Variants in NOL4 observed in about 807,000 individuals in gnomAD.
NOL4 encodes the protein nucleolar protein 4.
In NOL4, 17 loss-of-function variants were observed where a neutral mutation model predicts 75.9. That is an observed-to-expected ratio of 0.22 (90% CI 0.15 to 0.34). The LOEUF (loss-of-function observed/expected upper bound fraction) is 0.34. Among genes scored for constraint, NOL4 ranks in the 10% least tolerant of loss-of-function variants. The pLI is 1.00. For synonymous variants in NOL4, 292 were observed against 289.9 expected, an observed-to-expected ratio of 1.01 and a Z score of -0.07; for missense variants, 614 against 793.5, an observed-to-expected ratio of 0.77 and a Z score of 2.72.
intron 2 of NOL4, among the ~76,000 whole-genome samples, chr18:34,116,324 C>G (rs753237636): frequency 6.6e-6 from 1 of 152,060 alleles, no homozygotes; most frequent in African/African-American, 2.4e-5. Context: ...TTGGGAATAC[C>G]TTACTGAAAA....
intron 6 of NOL4, among the ~76,000 whole-genome samples, chr18:34,015,687 C>G (rs2074648276): frequency 6.6e-6 from 1 of 152,222 alleles, no homozygotes; most frequent in African/African-American, 2.4e-5. Flanking sequence ...AAATGTCTCT[C>G]TCTCTCCATC....
chr18:34,114,501 C>A (rs2145778426), intron 2 of NOL4, among the ~76,000 whole-genome samples: 1 of 152,162 alleles, frequency 6.6e-6, no homozygotes, highest in Middle Eastern at 3.4e-3. Context: ...CCACATTGAA[C>A]CTTAAAACTA....
At chr18:34,191,833 C>T (rs2034940327) in intron 1 of NOL4, among the ~76,000 whole-genome samples, 1 of 152,096 alleles carries the variant, frequency 6.6e-6, no homozygotes, top group African/African-American at 2.4e-5. Context: ...TAGAGGAATA[C>T]AGGTTGGTGA....
intron 5 of NOL4, among the ~76,000 whole-genome samples, chr18:34,089,314 A>C (rs1335664818): frequency 1.3e-5 from 2 of 152,158 alleles, no homozygotes; most frequent in Admixed American, 6.5e-5. Flanking sequence ...TATTGTTTAG[A>C]TTTTCAAAAT....
chr18:33,898,670 T>C (rs1192964866), intron 9 of NOL4, among the ~76,000 whole-genome samples: 1 of 152,182 alleles, frequency 6.6e-6, no homozygotes, highest in Non-Finnish European at 1.5e-5. Context: ...AAGCTCATCA[T>C]CTCTCATTTG....
At chr18:34,222,027 T>A in intron 1 of NOL4, 1 of 1,535,496 alleles carries the variant, frequency 6.5e-7, no homozygotes. Flanking sequence ...CACCGTGGCA[T>A]GATGCAGAAA....
chr18:34,055,285 T>A (rs2076789754), intron 5 of NOL4, among the ~76,000 whole-genome samples: 1 of 152,140 alleles, frequency 6.6e-6, no homozygotes, highest in African/African-American at 2.4e-5. Context: ...TTATAGCATT[T>A]CTTGTACAGT....
intron 6 of NOL4, among the ~76,000 whole-genome samples, chr18:33,990,881 C>G (rs1184092666): frequency 6.6e-6 from 1 of 152,082 alleles, no homozygotes; most frequent in African/African-American, 2.4e-5. Context: ...TTCAGCCAGA[C>G]AGGCTTAAGC....
intron 4 of NOL4, among the ~76,000 whole-genome samples, chr18:34,094,492 T>C (rs1457706737): frequency 1.3e-5 from 2 of 152,204 alleles, no homozygotes; most frequent in Admixed American, 6.5e-5. Context: ...GCCAGTTTGC[T>C]GAATGGCCAA....
intron 2 of NOL4, among the ~76,000 whole-genome samples, chr18:34,105,922 A>T (rs79883713): frequency 0.013 from 1,934 of 147,776 alleles, 11 homozygotes; most frequent in Middle Eastern, 0.035. Flanking sequence ...TCTAAAACCA[A>T]GTTCTCTCAT....
intron 10 of NOL4, among the ~76,000 whole-genome samples, chr18:33,865,409 C>T (rs568553562): frequency 6.0e-4 from 91 of 152,004 alleles, no homozygotes; most frequent in African/African-American, 2.0e-3. Context: ...TTGTTACTTT[C>T]GATTTTTTTC....
chr18:34,038,611 A>T (rs1489022202), intron 5 of NOL4, among the ~76,000 whole-genome samples: 2 of 152,084 alleles, frequency 1.3e-5, no homozygotes, highest in African/African-American at 4.8e-5. Flanking sequence ...GGAGGTCATT[A>T]TGTTAAGTCA....
At chr18:33,982,194 A>G (rs2072019794) in intron 6 of NOL4, among the ~76,000 whole-genome samples, 1 of 152,118 alleles carries the variant, frequency 6.6e-6, no homozygotes. Context: ...AACATAGTAG[A>G]CATTACTCAA....
At chr18:34,048,424 G>A in intron 5 of NOL4, 1 of 984,236 alleles carries the variant, frequency 1.0e-6, no homozygotes, top group South Asian at 4.7e-5. Flanking sequence ...CTACTCTGGA[G>A]GAGCTGACAC....
rs574133602 is a variant in NOL4, at chr18:34,207,516, T to C, written c.264+15474A>G. ...TTAGTTTGTGCAGTGGTTTATATCA[T>C]ATTTCAGTTCTCAAAGACTTTGCCA... On this transcript the variant is annotated intron_variant, in intron 1 of 10. Transcript: ENST00000261592. 1.2e-4 allele frequency among the ~76,000 whole-genome samples: 18 copies of C among 152,350 alleles called. No individual in the cohort carries two copies. In the South Asian group the frequency reaches 3.3e-3, roughly 28 times the overall value.
Position 33,986,283 on chromosome 18 carries a change from T to C in NOL4, c.1057-27865A>G, listed in dbSNP as rs149708943. On this transcript the variant is annotated intron_variant, in intron 6 of 10. Transcript: ENST00000261592. Reference sequence around the variant, plus strand: ...ACTTTTTGGACAAAAGCAAATAATATTGTTTTATTTTACAACTCAGAGGAA... The same window carrying C: ...ACTTTTTGGACAAAAGCAAATAATACTGTTTTATTTTACAACTCAGAGGAA... Among the ~76,000 whole-genome samples the C allele has an allele frequency of 5.8e-3, 885 of 152,244 alleles. 2 individuals are homozygous for C. Among genetic ancestry groups the C allele is most frequent in the Non-Finnish European group, 0.01 (693 of 67,996 alleles).
intron 8 of NOL4, among the ~76,000 whole-genome samples, chr18:33,957,061 C>A (rs2069703437): frequency 6.6e-6 from 1 of 151,964 alleles, no homozygotes; most frequent in African/African-American, 2.4e-5. Context: ...TTACTCATAT[C>A]ACCTTTATTT....
chr18:34,117,670 G>C (rs1177752842), intron 2 of NOL4, among the ~76,000 whole-genome samples: 2 of 152,148 alleles, frequency 1.3e-5, no homozygotes, highest in African/African-American at 2.4e-5. Flanking sequence ...TAAAATGATG[G>C]CTTTGTGACA....
intron 6 of NOL4, among the ~76,000 whole-genome samples, chr18:33,966,437 T>C (rs2070599997): frequency 6.6e-6 from 1 of 152,082 alleles, no homozygotes; most frequent in African/African-American, 2.4e-5. Context: ...GTACTGGAAG[T>C]CCTAGCCAGA....
Sources: allele counts gnomAD v4.1 joint callset (sites outside exome capture counted in the v4.1 genomes callset), GRCh38; gene constraint gnomAD v4.1.1; transcripts MANE v1.5; gene names NCBI Gene and HGNC (gene_info 2026-07-23, HGNC 2026-07-21).